Variants in DLGAP1 observed in about 807,000 individuals in gnomAD.
DLGAP1 encodes disks large-associated protein 1.
In DLGAP1, 11 loss-of-function variants were observed where a neutral mutation model predicts 90.8. The observed-to-expected ratio is 0.12, with a 90% CI of 0.08 to 0.20. DLGAP1 has a LOEUF of 0.20. Ranked by LOEUF, DLGAP1 falls within the 10% of genes least tolerant of loss-of-function variation. The pLI, the probability that DLGAP1 is intolerant of heterozygous loss-of-function variation, is 1.00. For synonymous variants in DLGAP1, 558 were observed against 540.7 expected, an observed-to-expected ratio of 1.03 and a Z score of -0.44; for missense variants, 1,050 against 1,333.8, an observed-to-expected ratio of 0.79 and a Z score of 3.31.
In DLGAP1 at chr18:4,006,300, G is replaced by GA. The variant is rs201819182; in HGVS notation, c.-158-1100dup. On this transcript the variant is annotated intron_variant, in intron 2 of 12. Coordinates refer to ENST00000315677, the MANE Select transcript of DLGAP1 (RefSeq NM_004746.4). ...GGGCTAAACTGTGTTTGAAAGAACAGAAAATGAGTTGTTCCAATTTTCTCT... is the reference window on the plus strand; with the variant it reads ...GGGCTAAACTGTGTTTGAAAGAACAGAAAAATGAGTTGTTCCAATTTTCTCT... Among the ~76,000 whole-genome samples the GA allele has an allele frequency of 3.4e-3, 519 of 152,296 alleles. 8 individuals are homozygous for GA. The highest frequency in any genetic ancestry group is 0.025 in the Admixed American group (385 of 15,300).
At chr18:3,959,142 A>C (rs997043374) in intron 3 of DLGAP1, among the ~76,000 whole-genome samples, 2 of 152,184 alleles carry the variant, frequency 1.3e-5, no homozygotes, top group African/African-American at 4.8e-5. Flanking sequence ...AGTAGCCAGT[A>C]GGCTAACTTC....
At chr18:4,418,569 G>T (rs1403460965) in intron 1 of DLGAP1, among the ~76,000 whole-genome samples, 1 of 152,120 alleles carries the variant, frequency 6.6e-6, no homozygotes. Flanking sequence ...CAGAGACGAA[G>T]AATGCTTTCA....
At chr18:3,867,392 G>T (rs2070464552) in intron 4 of DLGAP1, among the ~76,000 whole-genome samples, 1 of 152,162 alleles carries the variant, frequency 6.6e-6, no homozygotes, top group Admixed American at 6.5e-5. Context: ...AAAGGAAAGG[G>T]AAAAGAAGTG....
chr18:3,592,290 T>C (rs1010875009), intron 7 of DLGAP1, among the ~76,000 whole-genome samples: 1 of 152,216 alleles, frequency 6.6e-6, no homozygotes, highest in African/African-American at 2.4e-5. Flanking sequence ...GCAGACCCCA[T>C]AGTTGTGCAC....
At chr18:3,751,658 G>A (rs899918722) in intron 5 of DLGAP1, among the ~76,000 whole-genome samples, 20 of 148,606 alleles carry the variant, frequency 1.3e-4, no homozygotes, top group Admixed American at 1.3e-4. Flanking sequence ...TCCCGGGTTC[G>A]AGTGATTCTT....
chr18:4,175,689 G>A (rs1004817308), intron 1 of DLGAP1, among the ~76,000 whole-genome samples: 1 of 152,084 alleles, frequency 6.6e-6, no homozygotes, highest in Non-Finnish European at 1.5e-5. Flanking sequence ...TTTCCCCATT[G>A]CTTGTTTTTG....
chr18:3,784,726 T>C (rs183492207), intron 5 of DLGAP1, among the ~76,000 whole-genome samples: 97 of 152,290 alleles, frequency 6.4e-4, no homozygotes, highest in African/African-American at 2.2e-3. Flanking sequence ...GCGAGAGCCT[T>C]GGGGAAAAGG....
rs2083903866 is a variant in DLGAP1, at chr18:4,454,027, C to CG, written c.-267+978dup. Among the ~76,000 whole-genome samples, 1 of 152,170 alleles carries CG rather than the reference C, an allele frequency of 6.6e-6. No individual in the cohort carries two copies. The highest frequency in any genetic ancestry group is 1.9e-4 in the East Asian group (1 of 5,182). ...TGCAGCCGGGGGCGAGCGCGGCACT[C>CG]GGACACAGGCACTCAGTGTCTCCGG... On this transcript the variant is annotated intron_variant, in intron 1 of 12. Coordinates refer to ENST00000315677, the MANE Select transcript of DLGAP1 (RefSeq NM_004746.4). The surrounding 1 kb of genome is among the most constrained non-coding windows in gnomAD (Gnocchi z 4.7).
At chr18:4,170,698 T>C (rs907604791) in intron 1 of DLGAP1, among the ~76,000 whole-genome samples, 1 of 152,182 alleles carries the variant, frequency 6.6e-6, no homozygotes, top group Non-Finnish European at 1.5e-5. Flanking sequence ...AAGCTATCTA[T>C]TAATAGCTTA....
intron 5 of DLGAP1, among the ~76,000 whole-genome samples, chr18:3,813,734 T>G (rs1394668046): frequency 2.6e-5 from 4 of 152,160 alleles, no homozygotes; most frequent in African/African-American, 9.7e-5. Context: ...GGGATACATG[T>G]ATATTCTCAT....
intron 1 of DLGAP1, among the ~76,000 whole-genome samples, chr18:4,221,651 G>A (rs533574339): frequency 1.1e-4 from 16 of 152,186 alleles, no homozygotes; most frequent in South Asian, 4.1e-4. Context: ...GACAGTACAC[G>A]GTAGTTTGAG....
At chr18:3,709,431 C>T (rs2061534533) in intron 7 of DLGAP1, among the ~76,000 whole-genome samples, 1 of 152,188 alleles carries the variant, frequency 6.6e-6, no homozygotes, top group South Asian at 2.1e-4. Flanking sequence ...CGAATGTGAG[C>T]TGAACTGTTA....
At chr18:4,019,497 G>A (rs1438989115) in intron 2 of DLGAP1, among the ~76,000 whole-genome samples, 1 of 151,962 alleles carries the variant, frequency 6.6e-6, no homozygotes, top group Non-Finnish European at 1.5e-5. Context: ...TTTTCATTAT[G>A]CAAATGTGTA....
chr18:4,296,644 C>A (rs4798210), intron 1 of DLGAP1, among the ~76,000 whole-genome samples: 2 of 152,022 alleles, frequency 1.3e-5, no homozygotes, highest in Non-Finnish European at 2.9e-5. Flanking sequence ...AGCTCTGTAA[C>A]GTCTACATTC....
intron 4 of DLGAP1, chr18:3,822,126 G>A (rs1318115243): frequency 2.3e-6 from 1 of 437,354 alleles, no homozygotes; most frequent in Non-Finnish European, 3.0e-6. Context: ...GATTTCCCTG[G>A]CAACCGCCCT....
intron 1 of DLGAP1, among the ~76,000 whole-genome samples, chr18:4,434,495 C>A (rs565643328): frequency 6.6e-6 from 1 of 152,138 alleles, no homozygotes; most frequent in African/African-American, 2.4e-5. Context: ...CTCTTTCTTC[C>A]CCTGTGCTGC....
intron 1 of DLGAP1, among the ~76,000 whole-genome samples, chr18:4,425,745 G>C (rs62087833): frequency 2.0e-3 from 307 of 152,246 alleles, no homozygotes; most frequent in Non-Finnish European, 3.8e-3. Flanking sequence ...CTACAGGATA[G>C]ACTGAGGGGA....
chr18:3,955,149 C>T (rs907961880), intron 3 of DLGAP1, among the ~76,000 whole-genome samples: 1 of 152,062 alleles, frequency 6.6e-6, no homozygotes, highest in African/African-American at 2.4e-5. Context: ...CCTATTCCTA[C>T]CAGGCTGCCT....
At chr18:3,808,456 A>T (rs557579753) in intron 5 of DLGAP1, among the ~76,000 whole-genome samples, 2 of 152,112 alleles carry the variant, frequency 1.3e-5, no homozygotes, top group Non-Finnish European at 2.9e-5. Context: ...TAAATTCACA[A>T]TTTCGTGTGG....
Sources: allele counts gnomAD v4.1 joint callset (sites outside exome capture counted in the v4.1 genomes callset), GRCh38; gene constraint gnomAD v4.1.1; non-coding constraint Gnocchi (gnomAD v3.1); transcripts MANE v1.5; gene names NCBI Gene and HGNC (gene_info 2026-07-23, HGNC 2026-07-21).